The following AGPAT5 variants were observed in gnomAD, a reference collection of about 807,000 sequenced individuals.
The protein encoded by AGPAT5 is 1-acylglycerol-3-phosphate O-acyltransferase 5.
Under a neutral mutation model 45.6 loss-of-function variants are expected in AGPAT5, and 46 were observed. That is an observed-to-expected ratio of 1.01 (90% CI 0.80 to 1.29). The LOEUF (loss-of-function observed/expected upper bound fraction) is 1.29. AGPAT5 is among the 50% of genes most tolerant of loss of function. The probability of loss-of-function intolerance (pLI) is 0.00; values close to 1 mark genes in which losing one functional copy is unlikely to be tolerated. For synonymous variants in AGPAT5, 272 were observed against 167.0 expected, an observed-to-expected ratio of 1.63 and a Z score of -4.85; for missense variants, 673 against 450.7, an observed-to-expected ratio of 1.49 and a Z score of -4.47.
intron 6 of AGPAT5, among the ~76,000 whole-genome samples, chr8:6,749,366 C>G (rs1350636579): frequency 6.6e-6 from 1 of 152,090 alleles, no homozygotes; most frequent in African/African-American, 2.4e-5. Flanking sequence ...GATGATTGTT[C>G]TCATAATTGT....
intron 1 of AGPAT5, 177 bp downstream of exon 1, chr8:6,709,064 C>A: frequency 2.7e-6 from 2 of 728,978 alleles, no homozygotes; most frequent in East Asian, 2.7e-5. Flanking sequence ...CTGCCGAGAT[C>A]GCTCTCTAGG....
chr8:6,711,461 T>G (rs879335104), intron 1 of AGPAT5, among the ~76,000 whole-genome samples: 39 of 152,278 alleles, frequency 2.6e-4, no homozygotes, highest in African/African-American at 9.2e-4. Context: ...ATGGGTACTT[T>G]CTTCACCATT....
At chr8:6,724,300 G>T (rs1401957533) in intron 1 of AGPAT5, among the ~76,000 whole-genome samples, 4 of 152,084 alleles carry the variant, frequency 2.6e-5, no homozygotes, top group Admixed American at 1.3e-4. Context: ...GGCCTCCAGG[G>T]TTACTGCTTC....
intron 2 of AGPAT5, 42 bp from the exon 3 acceptor site, chr8:6,730,669 G>C: frequency 1.5e-6 from 2 of 1,367,718 alleles, no homozygotes; most frequent in Non-Finnish European, 2.1e-6. Context: ...TACAACCTGT[G>C]AAGAGCCTCA....
intron 1 of AGPAT5, among the ~76,000 whole-genome samples, chr8:6,721,725 G>A (rs1800508683): frequency 6.6e-6 from 1 of 152,222 alleles, no homozygotes; most frequent in Non-Finnish European, 1.5e-5. Flanking sequence ...AGAGCAGACT[G>A]TTCCTTTACC....
intron 5 of AGPAT5, among the ~76,000 whole-genome samples, chr8:6,746,680 A>T (rs962197152): frequency 6.6e-6 from 1 of 152,184 alleles, no homozygotes; most frequent in Non-Finnish European, 1.5e-5. Context: ...TGTCTTTCCC[A>T]CACCACCCTG....
intron 1 of AGPAT5, among the ~76,000 whole-genome samples, chr8:6,713,758 G>T (rs1449111311): frequency 6.6e-6 from 1 of 152,020 alleles, no homozygotes; most frequent in East Asian, 1.9e-4. Context: ...GTAGAGACGA[G>T]ATTTTGCCAT....
chr8:6,711,446 C>T (rs1261764031), intron 1 of AGPAT5, among the ~76,000 whole-genome samples: 1 of 152,202 alleles, frequency 6.6e-6, no homozygotes, highest in Non-Finnish European at 1.5e-5. Flanking sequence ...GGTACTGAAA[C>T]TCAAATGGGT....
At chr8:6,753,146 A>AGGACCC (rs1801711905) in intron 6 of AGPAT5, among the ~76,000 whole-genome samples, 1 of 152,244 alleles carries the variant, frequency 6.6e-6, no homozygotes, top group Non-Finnish European at 1.5e-5. Context: ...GAAAAACAAA[A>AGGACCC]GGACCCATGC....
rs1238970251 is a variant in AGPAT5 at position 6,757,157 on chromosome 8, C to T, written c.870-6C>T. 3.7e-6 allele frequency: 6 copies of T among 1,608,458 alleles called. No individual in the cohort carries two copies. Among genetic ancestry groups the T allele is most frequent in the Non-Finnish European group, 5.1e-6 (6 of 1,176,388 alleles). On this transcript the variant is annotated splice_region_variant and splice_polypyrimidine_tract_variant and intron_variant, in intron 7 of 7. Coordinates refer to ENST00000285518, the MANE Select transcript of AGPAT5 (RefSeq NM_018361.5). ...AAAATCTAAACTTTTTCCATTCTGG[C>T]CATAGGATGCTTATAGAATTTTATG...
intron 4 of AGPAT5, among the ~76,000 whole-genome samples, chr8:6,734,654 A>G (rs890006946): frequency 6.6e-6 from 1 of 152,070 alleles, no homozygotes; most frequent in Non-Finnish European, 1.5e-5. Flanking sequence ...TGCCTTTGTC[A>G]TACTTCCTAA....
rs138763526 is a variant in AGPAT5, at chr8:6,713,857, T to C, written c.219+4970T>C. 5.8e-3 allele frequency among the ~76,000 whole-genome samples: 879 copies of C among 152,324 alleles called. 11 individuals carry two copies. The highest frequency in any genetic ancestry group is 0.024 in the Middle Eastern group (7 of 294). ...CTGATTCATACTCTTAACTGAAACA[T>C]TGTTCCAAGTTTCTCAGAAACAGTC... On this transcript the variant is annotated intron_variant, in intron 1 of 7. Coordinates refer to ENST00000285518, the MANE Select transcript of AGPAT5 (RefSeq NM_018361.5).
At chr8:6,732,707 A>T in intron 4 of AGPAT5, 57 bp downstream of exon 4, 1 of 1,343,890 alleles carries the variant, frequency 7.4e-7, no homozygotes, top group Middle Eastern at 1.8e-4. Context: ...AAATTTAAGA[A>T]TTAAATTAAA....
intron 5 of AGPAT5, among the ~76,000 whole-genome samples, chr8:6,744,233 TTTA>T (rs1801347097): frequency 6.6e-6 from 1 of 152,182 alleles, no homozygotes; most frequent in Non-Finnish European, 1.5e-5. Flanking sequence ...TGAACAAATG[TTTA>T]TTCTTTCTCA....
intron 1 of AGPAT5, among the ~76,000 whole-genome samples, chr8:6,717,182 G>A (rs895108700): frequency 6.6e-6 from 1 of 152,184 alleles, no homozygotes; most frequent in Non-Finnish European, 1.5e-5. Flanking sequence ...TAATTTTTGA[G>A]CCTATGCAAT....
At position 6,737,533 on chromosome 8, in the gene AGPAT5, G is replaced by A. The variant is rs750839309; in HGVS notation, c.496-4128G>A. ...TGGGACAATACAGTATTTTCTTAAG[G>A]AACTTATTGGTTGTGGATGCAAATG... On this transcript the variant is annotated intron_variant, in intron 4 of 7. Coordinates refer to ENST00000285518, the MANE Select transcript of AGPAT5 (RefSeq NM_018361.5). Among the ~76,000 whole-genome samples the A allele has an allele frequency of 7.9e-5, 12 of 152,234 alleles. No individual in the cohort carries two copies. In the South Asian group the frequency reaches 1.2e-3, roughly 16 times the overall value.
chr8:6,756,507 A>G (rs936815167), intron 7 of AGPAT5, among the ~76,000 whole-genome samples: 7 of 151,462 alleles, frequency 4.6e-5, no homozygotes, highest in African/African-American at 1.7e-4. Context: ...AGTCCCAGCT[A>G]CTCAGGAGGC....
At chr8:6,712,576 A>G (rs1029207603) in intron 1 of AGPAT5, among the ~76,000 whole-genome samples, 3 of 152,184 alleles carry the variant, frequency 2.0e-5, no homozygotes, top group Admixed American at 2.0e-4. Context: ...TATATCCTTG[A>G]GCTGGAGTTT....
chr8:6,743,709 G>C (rs1240633607), intron 5 of AGPAT5, among the ~76,000 whole-genome samples: 1 of 151,410 alleles, frequency 6.6e-6, no homozygotes, highest in Non-Finnish European at 1.5e-5. Context: ...TGGTTATAAG[G>C]GATGTGGAAT....
Sources: allele counts gnomAD v4.1 joint callset (sites outside exome capture counted in the v4.1 genomes callset), GRCh38; gene constraint gnomAD v4.1.1; transcripts MANE v1.5; gene names NCBI Gene and HGNC (gene_info 2026-07-23, HGNC 2026-07-21).